Variants in PPP4R1 observed in about 807,000 individuals in gnomAD.
PPP4R1 encodes the protein protein phosphatase 4 regulatory subunit 1.
A neutral mutation model predicts 111.2 loss-of-function variants in PPP4R1; 42 were observed. The ratio of observed to expected loss-of-function variants is 0.38; its 90% CI spans 0.29 to 0.49. PPP4R1 has a LOEUF of 0.49. PPP4R1 is among the 20% of genes least tolerant of loss of function. The pLI is 0.97. For synonymous variants in PPP4R1, 409 were observed against 405.5 expected, an observed-to-expected ratio of 1.01 and a Z score of -0.10; for missense variants, 1,012 against 1,161.6, an observed-to-expected ratio of 0.87 and a Z score of 1.87.
intron 11 of PPP4R1, among the ~76,000 whole-genome samples, chr18:9,569,706 C>T (rs1036502604): frequency 2.0e-5 from 3 of 152,016 alleles, no homozygotes; most frequent in Non-Finnish European, 4.4e-5. Context: ...GATGGTTATA[C>T]TACCTTTTTC....
At chr18:9,559,681 A>T in intron 13 of PPP4R1, 77 bp from the exon 14 acceptor site, 2 of 1,117,120 alleles carry the variant, frequency 1.8e-6, no homozygotes, top group Non-Finnish European at 2.4e-6. Context: ...ATTGGGCAAA[A>T]TTATTTTTAA....
chr18:9,569,414 C>G (rs1210142169), intron 11 of PPP4R1, among the ~76,000 whole-genome samples: 1 of 152,048 alleles, frequency 6.6e-6, no homozygotes, highest in East Asian at 1.9e-4. Flanking sequence ...TGCAGTAGTG[C>G]GACAAACATT....
At chr18:9,552,773 G>A (rs2066509565) in intron 16 of PPP4R1, among the ~76,000 whole-genome samples, 1 of 152,178 alleles carries the variant, frequency 6.6e-6, no homozygotes, top group South Asian at 2.1e-4. Context: ...ACAGATGAAT[G>A]CCCTAAACGA....
chr18:9,582,098 G>C (rs2067039255), intron 9 of PPP4R1, among the ~76,000 whole-genome samples: 1 of 151,910 alleles, frequency 6.6e-6, no homozygotes, highest in African/African-American at 2.4e-5. Flanking sequence ...AAAGAAGGAA[G>C]GAAGACCTCT....
chr18:9,583,327 T>C, intron 8 of PPP4R1, 52 bp from the exon 9 acceptor site: 1 of 1,391,180 alleles, frequency 7.2e-7, no homozygotes. Flanking sequence ...GCAGATTTCA[T>C]CAGTTACTTC....
At chr18:9,596,543 G>C (rs1255531135) in intron 2 of PPP4R1, among the ~76,000 whole-genome samples, 2 of 152,156 alleles carry the variant, frequency 1.3e-5, no homozygotes, top group Non-Finnish European at 2.9e-5. Context: ...CACAAAGTAA[G>C]CATTTAAGTA....
intron 2 of PPP4R1, among the ~76,000 whole-genome samples, chr18:9,602,407 G>A (rs1314978): frequency 4.1e-4 from 61 of 148,652 alleles, no homozygotes; most frequent in African/African-American, 6.0e-4. Context: ...TTAGCCGGGC[G>A]TGGTGGCGGG....
intron 10 of PPP4R1, among the ~76,000 whole-genome samples, chr18:9,571,999 G>C (rs2145122689): frequency 6.6e-6 from 1 of 152,344 alleles, no homozygotes; most frequent in African/African-American, 2.4e-5. Flanking sequence ...ATGATGTTCT[G>C]ATGGAGGCAG....
chr18:9,591,503 T>A (rs917492992), intron 4 of PPP4R1, among the ~76,000 whole-genome samples: 12 of 151,924 alleles, frequency 7.9e-5, no homozygotes, highest in Non-Finnish European at 1.5e-4. Context: ...TTTTGGGGAA[T>A]AAAAAAATCA....
Position 9,557,223 on chromosome 18 carries a change from T to G in PPP4R1, c.2188A>C (p.Lys730Gln). 6.4e-7 allele frequency: 1 copy of G among 1,570,226 alleles called. No homozygotes were observed. Residue 730 changes from lysine to glutamine, a missense_variant and splice_region_variant, in exon 15 of 20, where the codon AAG becomes CAG. By Grantham distance (53) the Lys-to-Gln change is moderately conservative (BLOSUM62 1). Around this residue, in one of 2 missense-constraint regions of PPP4R1, gnomAD observed 305 missense variants for 419.5 expected, o/e 0.73. Transcript: ENST00000400556. ...ATGCAAAAAAATTTAAAAGTTACCT[T>G]CAGAAAATCATGCAAGTGTTTAAGA... ...GVLKHLHDFLKLLHIDKRREY... is the reference protein window; with the variant it reads ...GVLKHLHDFLQLLHIDKRREY...
chr18:9,578,364 T>G lies in PPP4R1; in HGVS notation c.919-1173A>C, dbSNP rs1249344032. On this transcript the variant is annotated intron_variant, in intron 9 of 19. Coordinates refer to ENST00000400556, the MANE Select transcript of PPP4R1 (RefSeq NM_001042388.3). ...GATCTTCCAACCTCAGCCTCATGAA[T>G]AGTTGGGGACTATAGGCATGTGCCA... is the stretch of plus-strand genomic sequence containing the variant. 2.0e-5 allele frequency among the ~76,000 whole-genome samples: 3 copies of G among 152,164 alleles called. No homozygotes were observed. The East Asian group carries it at 5.8e-4, about 29-fold the overall frequency.
intron 6 of PPP4R1, among the ~76,000 whole-genome samples, chr18:9,587,122 G>A (rs1397013699): frequency 6.6e-6 from 1 of 152,160 alleles, no homozygotes; most frequent in Non-Finnish European, 1.5e-5. Context: ...CTTACACAGT[G>A]CCTAGAAAAG....
Position 9,557,274 on chromosome 18 carries a change from C to T in PPP4R1, c.2137G>A (p.Asp713Asn). 1 of 1,612,230 alleles carries T rather than the reference C, an allele frequency of 6.2e-7. No homozygotes were observed. The highest frequency in any genetic ancestry group is 8.5e-7 in the Non-Finnish European group (1 of 1,179,468). ...LVPIFNGFLK[D>N]LDEVRIGVLK... The stretch of plus-strand genomic sequence containing the variant: ...ACACCTATCCTGACTTCATCGAGGT[C>T]TTTTAAAAATCCATTAAAAATTGGA... The change falls in exon 15 of 20, where the codon GAC becomes AAC. Residue 713 changes from aspartate (D) to asparagine (N), a missense_variant. Transcript: ENST00000400556.
chr18:9,600,340 T>G (rs1410612297), intron 2 of PPP4R1, among the ~76,000 whole-genome samples: 1 of 146,396 alleles, frequency 6.8e-6, no homozygotes. Context: ...TGGAAAGGAG[T>G]AACAGAGGAA....
At chr18:9,575,691 A>C (rs1265139720) in intron 10 of PPP4R1, among the ~76,000 whole-genome samples, 3 of 152,188 alleles carry the variant, frequency 2.0e-5, no homozygotes, top group Non-Finnish European at 4.4e-5. Flanking sequence ...TGATAGGCAC[A>C]CTGTTGAGGT....
chr18:9,581,154 C>A (rs1449734065), intron 9 of PPP4R1, among the ~76,000 whole-genome samples: 3 of 141,102 alleles, frequency 2.1e-5, no homozygotes, highest in Admixed American at 7.2e-5. Context: ...CTCAACAAAA[C>A]ATTACAAGGC....
At chr18:9,558,321 CAG>C (rs1360219633) in intron 14 of PPP4R1, among the ~76,000 whole-genome samples, 3 of 152,160 alleles carry the variant, frequency 2.0e-5, no homozygotes, top group African/African-American at 4.8e-5. Context: ...TCTGAGCCAT[CAG>C]AGTCACCCAG....
At chr18:9,558,798 C>A (rs1322059484) in intron 14 of PPP4R1, among the ~76,000 whole-genome samples, 3 of 151,210 alleles carry the variant, frequency 2.0e-5, no homozygotes, top group Non-Finnish European at 2.9e-5. Context: ...TCAGCCCTGG[C>A]AGGGGAGGTC....
intron 2 of PPP4R1, among the ~76,000 whole-genome samples, chr18:9,601,219 G>GGGA (rs1568125620): frequency 2.1e-5 from 3 of 140,846 alleles, no homozygotes; most frequent in Non-Finnish European, 1.6e-5. Flanking sequence ...TTTTTTTGGG[G>GGGA]AAAAAAAAAA....
Sources: allele counts gnomAD v4.1 joint callset (sites outside exome capture counted in the v4.1 genomes callset), GRCh38; gene constraint gnomAD v4.1.1; regional missense constraint gnomAD v4.1.1; transcripts MANE v1.5; gene names NCBI Gene and HGNC (gene_info 2026-07-23, HGNC 2026-07-21).